GSPT1: variants seen among roughly 807,000 people sequenced by gnomAD.
GSPT1 encodes the protein eukaryotic peptide chain release factor GTP-binding subunit ERF3A.
GSPT1 carries 20 observed loss-of-function variants against 72.5 expected under a neutral mutation model. The observed-to-expected ratio is 0.28, with a 90% confidence interval of 0.19 to 0.40. The LOEUF (loss-of-function observed/expected upper bound fraction) is 0.40, where lower values mean the gene tolerates loss of function less well. Ranked by LOEUF, GSPT1 falls within the 10% of genes least tolerant of loss-of-function variation. The pLI, the probability that GSPT1 is intolerant of heterozygous loss-of-function variation, is 1.00. For missense variants in GSPT1, 580 were observed against 811.9 expected (o/e 0.71, Z 3.47); for synonymous variants, 334 against 293.5 (o/e 1.14, Z -1.41).
rs887368865 is a variant in GSPT1 at position 11,877,620 on chromosome 16, C to G, written c.1429-40G>C. On this transcript the variant is annotated intron_variant, in intron 11 of 14. Coordinates refer to ENST00000434724, the MANE Select transcript of GSPT1 (RefSeq NM_002094.4). The surrounding 1 kb of genome is among the most constrained non-coding windows in gnomAD (Gnocchi z 4.0). Reference sequence around the variant, plus strand: ...AAGACTGGAGGTTTTCTGACACATTCACTGCATTACGCAACATAAAATGAT... The same window carrying G: ...AAGACTGGAGGTTTTCTGACACATTGACTGCATTACGCAACATAAAATGAT... The G allele has an allele frequency of 7.8e-7, 1 of 1,282,748 alleles. No individual in the cohort carries two copies. Among genetic ancestry groups the G allele is most frequent in the Non-Finnish European group, 1.1e-6 (1 of 920,686 alleles). 79.5% of individuals were successfully genotyped at this position (1,282,748 alleles called of 1,614,324 possible).
intron 1 of GSPT1, among the ~76,000 whole-genome samples, chr16:11,907,549 A>G (rs1034161336): frequency 6.6e-6 from 1 of 152,234 alleles, no homozygotes; most frequent in African/African-American, 2.4e-5. Context: ...GGCAAATGCC[A>G]GGGCCACTCT....
Position 11,883,029 on chromosome 16 carries a change from T to C in GSPT1, c.1414A>G (p.Met472Val). The change falls in exon 11 of 15, where the codon ATG becomes GTG. Residue 472 changes from methionine (M) to valine (V), a missense_variant. Transcript: ENST00000434724. The stretch of plus-strand genomic sequence containing the variant: ...CCGATTCTTACCTTGTTTGGCATCA[T>C]CACAAGCTGCTGGCCTTTACAAATA... ...GSICKGQQLV[M>V]MPNKHNVEVL... is the part of the protein sequence containing the mutation. The C allele has an allele frequency of 6.3e-7, 1 of 1,599,882 alleles. No individual in the cohort carries two copies. The highest frequency in any genetic ancestry group is 8.6e-7 in the Non-Finnish European group (1 of 1,167,166).
intron 1 of GSPT1, 105 bp from the exon 2 acceptor site, chr16:11,898,140 C>T (rs2054363129): frequency 1.4e-6 from 1 of 722,498 alleles, no homozygotes; most frequent in South Asian, 1.6e-5. Context: ...CGACACAAGC[C>T]TCAATCAATA....
rs1030449367 is a variant in GSPT1, at chr16:11,915,620, G to T, written c.101C>A (p.Ala34Glu). 3 of 1,493,732 alleles carry T rather than the reference G, an allele frequency of 2.0e-6. No individual in the cohort carries two copies. Among genetic ancestry groups the T allele is most frequent in the African/African-American group, 2.9e-5 (2 of 67,832 alleles). The allele number at this position is 1,493,732 out of a possible 1,614,324, so 92.5% of individuals were successfully genotyped here. The change falls in exon 1 of 15, where the codon GCG becomes GAG. Residue 34 changes from alanine (A) to glutamate (E), a missense_variant. Ala to Glu is a moderately radical substitution (Grantham distance 107, BLOSUM62 -1). Transcript: ENST00000434724. ...GCCCGGCCCGGGGGCTTCCATGTCC[G>T]CCTGGTCCCAGCAGTCAGGCGCCGA... ...SDSAPDCWDQ[A>E]DMEAPGPGPC... is the part of the protein sequence containing the mutation.
chr16:11,914,063 A>G (rs976996101), intron 1 of GSPT1, among the ~76,000 whole-genome samples: 1 of 152,248 alleles, frequency 6.6e-6, no homozygotes, highest in African/African-American at 2.4e-5. Flanking sequence ...ACCACAATAC[A>G]GAACTTTAAA....
intron 11 of GSPT1, among the ~76,000 whole-genome samples, chr16:11,879,408 G>GAAAC (rs542706773): frequency 4.7e-4 from 66 of 139,960 alleles, no homozygotes; most frequent in African/African-American, 1.7e-3. Flanking sequence ...AAAAAAGAAA[G>GAAAC]AAACAAGAGT....
At chr16:11,878,323 G>A (rs1396002006) in intron 11 of GSPT1, among the ~76,000 whole-genome samples, 1 of 152,022 alleles carries the variant, frequency 6.6e-6, no homozygotes, top group African/African-American at 2.4e-5. Context: ...CACCATGTTG[G>A]CCAGGCTGGT....
chr16:11,896,973 G>A (rs1273902312), intron 3 of GSPT1, among the ~76,000 whole-genome samples, 188 bp from the exon 4 acceptor site: 1 of 152,200 alleles, frequency 6.6e-6, no homozygotes, highest in African/African-American at 2.4e-5. Context: ...CAGACTCACT[G>A]CTGGTATCAC....
intron 3 of GSPT1, among the ~76,000 whole-genome samples, chr16:11,897,379 G>A (rs2054353401): frequency 6.6e-6 from 1 of 152,146 alleles, no homozygotes. Flanking sequence ...GAGGTCAGGA[G>A]TTCGAGACCA....
rs371067371 is a variant in GSPT1, at chr16:11,886,951, C to G, written c.958-20G>C. 1.2e-5 allele frequency: 20 copies of G among 1,608,276 alleles called. No homozygotes were observed. In the East Asian group the frequency reaches 4.5e-4, roughly 36 times the overall value. ...GATTACCTAATTCCAAGAAAGGAAA[C>G]AGTTTACTCCTTCGCCTTCAGGCAT... On this transcript the variant is annotated intron_variant, in intron 7 of 14. Coordinates refer to ENST00000434724, the MANE Select transcript of GSPT1 (RefSeq NM_002094.4).
intron 9 of GSPT1, among the ~76,000 whole-genome samples, chr16:11,885,791 C>CTGAGGTGGGAGGATCTCT (rs1248705456): frequency 2.6e-5 from 4 of 151,930 alleles, no homozygotes; most frequent in Non-Finnish European, 4.4e-5. Flanking sequence ...ACTTGGGAGG[C>CTGAGGTGGGAGGATCTCT]TGAGGTGGGA....
rs2053995833 is a variant in GSPT1 at position 11,873,038 on chromosome 16, GA to G, written c.*80del. ...ATGGGGAGAGGTTTATCAATGGGCAGAAAATAAGAGAAGGCGGTGTGAAGTA... is the reference window on the plus strand; with the variant it reads ...ATGGGGAGAGGTTTATCAATGGGCAGAAATAAGAGAAGGCGGTGTGAAGTA... On this transcript the variant is annotated 3_prime_UTR_variant, in exon 15 of 15. Transcript: ENST00000434724. 2.6e-6 allele frequency: 2 copies of G among 781,432 alleles called. No individual in the cohort carries two copies. The highest frequency in any genetic ancestry group is 4.4e-6 in the Non-Finnish European group (2 of 457,124). The allele number at this position is 781,432 out of a possible 1,614,324, so 48.4% of individuals were successfully genotyped here. A position where few individuals can be genotyped will look rare whatever the true frequency, so the allele number is the denominator to read the frequency against.
intron 1 of GSPT1, 141 bp from the exon 2 acceptor site, chr16:11,898,176 A>C: frequency 3.2e-6 from 2 of 616,668 alleles, no homozygotes; most frequent in Non-Finnish European, 5.8e-6. Flanking sequence ...CAGCTAACTC[A>C]GGCCTTCAAG....
rs2053991406 is a variant in GSPT1 at position 11,872,622 on chromosome 16, CAAT to C, written c.*494_*496del. 6.6e-6 allele frequency: 1 copy of C among 152,226 alleles called. No individual in the cohort carries two copies. Among genetic ancestry groups the C allele is most frequent in the Non-Finnish European group, 1.5e-5 (1 of 68,068 alleles). 9.4% of individuals were successfully genotyped at this position (152,226 alleles called of 1,614,324 possible). On this transcript the variant is annotated 3_prime_UTR_variant, in exon 15 of 15. Transcript: ENST00000434724. ...TGGGAAAGTTAAAAAGCTAATGCAA[CAAT>C]GTTACATCCAGATAAAAAACATTAT...
rs1001286325 is a variant in GSPT1 at position 11,896,177 on chromosome 16, C to G, written c.664+381G>C. On this transcript the variant is annotated intron_variant, in intron 4 of 14. Coordinates refer to ENST00000434724, the MANE Select transcript of GSPT1 (RefSeq NM_002094.4). Reference sequence around the variant, plus strand: ...TCCAAATTATTGATTTCCTGCTTCACACAAAATTATCTGGTAAGGTCAATC... The same window carrying G: ...TCCAAATTATTGATTTCCTGCTTCAGACAAAATTATCTGGTAAGGTCAATC... Among the ~76,000 whole-genome samples the G allele has an allele frequency of 4.6e-5, 7 of 152,286 alleles. No individual in the cohort carries two copies. The East Asian group carries it at 1.2e-3, about 25-fold the overall frequency.
intron 1 of GSPT1, among the ~76,000 whole-genome samples, chr16:11,910,277 G>A (rs151197013): frequency 6.6e-4 from 101 of 152,288 alleles, no homozygotes; most frequent in African/African-American, 1.9e-3. Context: ...GAGGTTTTAC[G>A]TAAGGGATTG....
intron 14 of GSPT1, among the ~76,000 whole-genome samples, chr16:11,874,454 C>CTTTTTTTT (rs200991035): frequency 4.2e-5 from 4 of 95,888 alleles, no homozygotes; most frequent in Non-Finnish European, 6.1e-5. Context: ...GCCAAGTTAG[C>CTTTTTTTT]TTTTTTTTTT....
chr16:11,902,383 A>G (rs1287914702), intron 1 of GSPT1, among the ~76,000 whole-genome samples: 1 of 142,532 alleles, frequency 7.0e-6, no homozygotes, highest in African/African-American at 2.7e-5. Flanking sequence ...TCTCAAAAAC[A>G]GACAGAGCAG....
chr16:11,886,745 A>G (rs758972718), intron 8 of GSPT1, 32 bp downstream of exon 8: 4 of 1,599,356 alleles, frequency 2.5e-6, no homozygotes, highest in Non-Finnish European at 3.4e-6. Flanking sequence ...CCTTAATCCC[A>G]CTAACATAAA....
Sources: allele counts gnomAD v4.1 joint callset (sites outside exome capture counted in the v4.1 genomes callset), GRCh38; gene constraint gnomAD v4.1.1; non-coding constraint Gnocchi (gnomAD v3.1); transcripts MANE v1.5; gene names NCBI Gene and HGNC (gene_info 2026-07-23, HGNC 2026-07-21).